The following CRACD variants were observed in gnomAD, a reference collection of about 807,000 sequenced individuals.
CRACD encodes the protein capping protein-inhibiting regulator of actin dynamics.
In CRACD, 56 loss-of-function variants were observed where a neutral mutation model predicts 106.8. The ratio of observed to expected loss-of-function variants is 0.52; its 90% CI spans 0.42 to 0.66. The LOEUF is 0.66. Ranked by LOEUF, CRACD falls within the 30% of genes least tolerant of loss-of-function variation. CRACD has a pLI of 0.00. For missense variants in CRACD, 1,730 were observed against 1,623.2 expected (o/e 1.07, Z -1.13); for synonymous variants, 754 against 670.8 (o/e 1.12, Z -1.92).
intron 3 of CRACD, among the ~76,000 whole-genome samples, chr4:56,283,132 G>A (rs1354739111): frequency 6.6e-6 from 1 of 152,078 alleles, no homozygotes; most frequent in Non-Finnish European, 1.5e-5. Context: ...TATGAGCATA[G>A]AGCACTGGGC....
At chr4:56,267,628 C>T (rs1048048326) in intron 2 of CRACD, among the ~76,000 whole-genome samples, 4 of 151,980 alleles carry the variant, frequency 2.6e-5, no homozygotes, top group Non-Finnish European at 4.4e-5. Flanking sequence ...TTTTTTCTTA[C>T]GGTAAGAAGA....
chr4:56,154,856 T>G (rs1353538169), intron 1 of CRACD, among the ~76,000 whole-genome samples: 3 of 152,128 alleles, frequency 2.0e-5, no homozygotes, highest in Non-Finnish European at 1.5e-5. Context: ...AGAATAGGAA[T>G]CTAGTTACTC....
chr4:56,104,980 A>C, intron 1 of CRACD, among the ~76,000 whole-genome samples: 1 of 151,860 alleles, frequency 6.6e-6, no homozygotes, highest in East Asian at 1.9e-4. Context: ...AAAAAAAAAA[A>C]AAAAGCTAAT....
chr4:56,317,467 A>G (rs1248920193), intron 8 of CRACD, among the ~76,000 whole-genome samples: 4 of 152,232 alleles, frequency 2.6e-5, no homozygotes, highest in Non-Finnish European at 5.9e-5. Context: ...AAAGGTGCCA[A>G]CAGTTAGATG....
Position 56,315,310 on chromosome 4 carries a change from T to G in CRACD, c.1808T>G (p.Leu603Arg). Reference protein sequence around the residue: ...HTAILVTGAQLCGPAVNLSQI... With the variant: ...HTAILVTGAQRCGPAVNLSQI... ...GCCATTCTGGTCACGGGCGCGCAGC[T>G]CTGTGGCCCGGCAGTCAACCTGAGC... Residue 603 changes from leucine to arginine, a missense_variant, in exon 8 of 11, where the codon CTC becomes CGC. Around this residue, in one of 5 missense-constraint regions of CRACD, gnomAD observed 1,620 missense variants for 1,481.6 expected, o/e 1.09. Coordinates refer to ENST00000682029, the MANE Select transcript of CRACD (RefSeq NM_001393381.1). The surrounding 1 kb of genome is among the most constrained non-coding windows in gnomAD (Gnocchi z 4.1). 1.9e-6 allele frequency: 3 copies of G among 1,613,786 alleles called. No homozygotes were observed. The highest frequency in any genetic ancestry group is 2.5e-6 in the Non-Finnish European group (3 of 1,179,930).
chr4:56,325,128 A>G (rs758065070), intron 10 of CRACD, among the ~76,000 whole-genome samples: 4 of 152,142 alleles, frequency 2.6e-5, no homozygotes, highest in African/African-American at 4.8e-5. Flanking sequence ...TGAGCCCAGG[A>G]GTTCGATATT....
At chr4:56,257,452 C>T (rs1041224409) in intron 2 of CRACD, among the ~76,000 whole-genome samples, 12 of 149,638 alleles carry the variant, frequency 8.0e-5, no homozygotes, top group Admixed American at 4.0e-4. Context: ...CTTTGTGAGG[C>T]TGAGGCAGGA....
chr4:56,117,990 C>T (rs1029990725), intron 1 of CRACD, among the ~76,000 whole-genome samples: 4 of 152,090 alleles, frequency 2.6e-5, no homozygotes, highest in African/African-American at 9.7e-5. Context: ...AACTCCTGAC[C>T]TCAGGTGATC....
chr4:56,129,590 C>T (rs1172706061), intron 1 of CRACD, among the ~76,000 whole-genome samples: 1 of 152,202 alleles, frequency 6.6e-6, no homozygotes, highest in Non-Finnish European at 1.5e-5. Context: ...CAGGTGGATG[C>T]TGGTGCCTAG....
intron 8 of CRACD, among the ~76,000 whole-genome samples, chr4:56,319,537 G>A (rs945802172): frequency 1.3e-5 from 2 of 151,872 alleles, no homozygotes; most frequent in Non-Finnish European, 2.9e-5. Flanking sequence ...CTAGTAGGTC[G>A]AGGCTACAGT....
In CRACD at chr4:56,184,757, A is replaced by G. The variant is rs560511715; in HGVS notation, c.-189+5327A>G. On this transcript the variant is annotated intron_variant, in intron 2 of 10. Transcript: ENST00000682029. Reference sequence around the variant, plus strand: ...AGCCCCAAAGATGACTGATACTAGAATTTAAAGACTTATTTAATCCCTCTT... The same window carrying G: ...AGCCCCAAAGATGACTGATACTAGAGTTTAAAGACTTATTTAATCCCTCTT... Among the ~76,000 whole-genome samples the G allele has an allele frequency of 4.6e-5, 7 of 152,334 alleles. No homozygotes were observed. In the East Asian group the frequency reaches 1.3e-3, roughly 29 times the overall value.
At chr4:56,275,102 G>A (rs980609658) in intron 3 of CRACD, among the ~76,000 whole-genome samples, 7 of 152,088 alleles carry the variant, frequency 4.6e-5, no homozygotes, top group Non-Finnish European at 8.8e-5. Flanking sequence ...ACACAAAGAC[G>A]GTAACAACAG....
At chr4:56,237,861 T>C (rs1740079527) in intron 2 of CRACD, among the ~76,000 whole-genome samples, 1 of 151,862 alleles carries the variant, frequency 6.6e-6, no homozygotes. Context: ...ATATAGGAGA[T>C]ATGTATAGAT....
chr4:56,285,605 A>AATTTTTT (rs1334760795), intron 3 of CRACD, among the ~76,000 whole-genome samples: 1 of 151,886 alleles, frequency 6.6e-6, no homozygotes, highest in Non-Finnish European at 1.5e-5. Context: ...ACGCCCCATG[A>AATTTTTT]ATTTTTTATT....
intron 1 of CRACD, among the ~76,000 whole-genome samples, chr4:56,159,955 A>G (rs944671493): frequency 6.7e-6 from 1 of 149,588 alleles, no homozygotes; most frequent in South Asian, 2.1e-4. Context: ...CTAATTTTGT[A>G]TTTTTAGTAG....
chr4:56,306,193 A>C (rs1744682660), intron 4 of CRACD, among the ~76,000 whole-genome samples: 1 of 152,126 alleles, frequency 6.6e-6, no homozygotes, highest in South Asian at 2.1e-4. Flanking sequence ...AATATTAGCC[A>C]GATTAGAGAT....
chr4:56,089,986 A>AT (rs1191611406), intron 1 of CRACD, among the ~76,000 whole-genome samples: 2 of 152,126 alleles, frequency 1.3e-5, no homozygotes, highest in Non-Finnish European at 2.9e-5. Context: ...TTAAAATTTC[A>AT]TTTTAAAATA....
At position 56,289,864 on chromosome 4, in the gene CRACD, G is replaced by A. The variant is rs117227025; in HGVS notation, c.-16-8350G>A. Among the ~76,000 whole-genome samples, 263 of 152,224 alleles carry A rather than the reference G, an allele frequency of 1.7e-3. 3 individuals carry two copies. In the East Asian group the frequency reaches 0.043, roughly 25 times the overall value. On this transcript the variant is annotated intron_variant, in intron 3 of 10. Transcript: ENST00000682029. ...ACATCTGTAAACACTGTATTAAGCC[G>A]TGTCAATAGGAGCCAGGAGCTTGAG...
At chr4:56,225,574 C>T (rs1739260277) in intron 2 of CRACD, among the ~76,000 whole-genome samples, 1 of 151,960 alleles carries the variant, frequency 6.6e-6, no homozygotes, top group African/African-American at 2.4e-5. Context: ...TTTCTCTTTC[C>T]CCAAGTACCC....
Sources: allele counts gnomAD v4.1 joint callset (sites outside exome capture counted in the v4.1 genomes callset), GRCh38; gene constraint gnomAD v4.1.1; regional missense constraint gnomAD v4.1.1; non-coding constraint Gnocchi (gnomAD v3.1); transcripts MANE v1.5; gene names NCBI Gene and HGNC (gene_info 2026-07-23, HGNC 2026-07-21).